Variants in LBR observed in about 807,000 individuals in gnomAD.
The protein encoded by LBR is lamin B receptor, also known as delta(14)-sterol reductase LBR.
In LBR, 28 loss-of-function variants were observed where a neutral mutation model predicts 74.3. That is an observed-to-expected ratio of 0.38 (90% CI 0.28 to 0.52). LBR has a LOEUF of 0.52. Among genes scored for constraint, LBR ranks in the 20% least tolerant of loss-of-function variants. The pLI, the probability that LBR is intolerant of heterozygous loss-of-function variation, is 0.89. For synonymous variants in LBR, 228 were observed against 269.3 expected (o/e 0.85, Z 1.50); for missense variants, 717 against 760.3 (o/e 0.94, Z 0.67).
At chr1:225,423,049 G>A (rs6686405) in intron 2 of LBR, among the ~76,000 whole-genome samples, 95,520 of 152,014 alleles carry the variant, frequency 0.63, 31,195 homozygotes, top group African/African-American at 0.83. Flanking sequence ...TAGAGCACTC[G>A]AAGTGTCATC....
chr1:225,421,652 A>G (rs1157032154), intron 3 of LBR, among the ~76,000 whole-genome samples: 2 of 152,290 alleles, frequency 1.3e-5, no homozygotes, highest in African/African-American at 4.8e-5. Flanking sequence ...TTCAAAGCTT[A>G]CATCTTGAAA....
intron 9 of LBR, among the ~76,000 whole-genome samples, chr1:225,410,857 A>T (rs184610687): frequency 4.6e-5 from 7 of 152,360 alleles, no homozygotes; most frequent in African/African-American, 1.7e-4. Context: ...AAACTGGTGA[A>T]CTCGACTGAG....
At chr1:225,404,577 A>G in intron 12 of LBR, 49 bp downstream of exon 12, 2 of 1,566,538 alleles carry the variant, frequency 1.3e-6, no homozygotes, top group Non-Finnish European at 8.7e-7. Flanking sequence ...AAAAAGAAAA[A>G]TAAAACCTTC....
chr1:225,410,686 AC>A (rs774265041), intron 9 of LBR, among the ~76,000 whole-genome samples: 2 of 152,262 alleles, frequency 1.3e-5, no homozygotes, highest in Non-Finnish European at 2.9e-5. Flanking sequence ...AGGGACACTT[AC>A]AAAATAACCA....
intron 2 of LBR, among the ~76,000 whole-genome samples, chr1:225,423,387 A>T (rs1219107973): frequency 6.6e-6 from 1 of 152,112 alleles, no homozygotes; most frequent in Non-Finnish European, 1.5e-5. Context: ...ATGAAGCCCA[A>T]ACCCTTGGGC....
At chr1:225,414,921 C>G (rs2096114221) in intron 7 of LBR, among the ~76,000 whole-genome samples, 1 of 152,208 alleles carries the variant, frequency 6.6e-6, no homozygotes, top group South Asian at 2.1e-4. Context: ...ATTCAAGGGA[C>G]AACCCAGAGG....
Position 225,424,907 on chromosome 1 carries a change from G to A in LBR, c.-14-818C>T, listed in dbSNP as rs192592246. ...CTTCCAGCTGCCAGACAGTAATGCC[G>A]CTCCATCGGCTGACCAGCGGAATCA... On this transcript the variant is annotated intron_variant, in intron 1 of 13. Coordinates refer to ENST00000272163, the MANE Select transcript of LBR (RefSeq NM_002296.4). Among the ~76,000 whole-genome samples, 53 of 152,246 alleles carry A rather than the reference G, an allele frequency of 3.5e-4. No homozygotes were observed. The East Asian group carries it at 7.3e-3, about 21-fold the overall frequency.
chr1:225,416,211 AAAAGAGAG>A (rs1203460984), intron 6 of LBR, among the ~76,000 whole-genome samples: 14 of 146,124 alleles, frequency 9.6e-5, no homozygotes, highest in Non-Finnish European at 1.8e-4. Flanking sequence ...AAAAAAAAAA[AAAAGAGAG>A]AGAGAGAGAG....
Position 225,419,782 on chromosome 1 carries a change from C to T in LBR, c.383G>A (p.Ser128Asn), listed in dbSNP as rs756072693. 13 of 1,610,060 alleles carry T rather than the reference C, an allele frequency of 8.1e-6. No homozygotes were observed. Among genetic ancestry groups the T allele is most frequent in the Non-Finnish European group, 1.1e-5 (13 of 1,176,754 alleles). The change falls in exon 4 of 14, where the codon AGC becomes AAC. Residue 128 changes from serine (S) to asparagine (N), a missense_variant. Coordinates refer to ENST00000272163, the MANE Select transcript of LBR (RefSeq NM_002296.4). ...TPLILKPFGNSISRYNGEPEH... is the reference protein window; with the variant it reads ...TPLILKPFGNNISRYNGEPEH... Reference sequence around the variant, plus strand: ...AGGCTCCCCATTATATCTGCTGATGCTATTTCCAAATGGCTTCTAAATTGA... The same window carrying T: ...AGGCTCCCCATTATATCTGCTGATGTTATTTCCAAATGGCTTCTAAATTGA...
rs549835662 is a variant in LBR, at chr1:225,406,142, C to G, written c.1483+522G>C. 3.9e-5 allele frequency among the ~76,000 whole-genome samples: 6 copies of G among 152,228 alleles called. No homozygotes were observed. The South Asian group carries it at 1.2e-3, about 32-fold the overall frequency. ...CTTTTCGATCTCCCCATCCCATTTT[C>G]CCCTCTAAAACTCCAATCGAACACC... On this transcript the variant is annotated intron_variant, in intron 11 of 13. Coordinates refer to ENST00000272163, the MANE Select transcript of LBR (RefSeq NM_002296.4).
At chr1:225,428,250 G>C (rs1575235440), upstream of LBR, among the ~76,000 whole-genome samples, 1 of 152,078 alleles carries the variant, frequency 6.6e-6, no homozygotes, top group African/African-American at 2.4e-5. Flanking sequence ...CCCTGCCTGG[G>C]GGCGGGGAGG....
At chr1:225,423,171 C>T (rs979372013) in intron 2 of LBR, among the ~76,000 whole-genome samples, 1 of 152,130 alleles carries the variant, frequency 6.6e-6, no homozygotes, top group Non-Finnish European at 1.5e-5. Flanking sequence ...TCATATCTAT[C>T]GAATCTGATA....
intron 10 of LBR, among the ~76,000 whole-genome samples, chr1:225,409,041 C>T (rs546556416): frequency 2.0e-5 from 3 of 152,294 alleles, no homozygotes; most frequent in Non-Finnish European, 2.9e-5. Flanking sequence ...GCTCTTTTGG[C>T]GATTCATTCT....
chr1:225,420,837 T>A (rs558757948), intron 3 of LBR, among the ~76,000 whole-genome samples: 58 of 152,048 alleles, frequency 3.8e-4, no homozygotes, highest in African/African-American at 1.3e-3. Flanking sequence ...CATACACTGA[T>A]ACTACTATAA....
At chr1:225,419,875 G>A in intron 3 of LBR, 77 bp from the exon 4 acceptor site, 1 of 1,058,076 alleles carries the variant, frequency 9.5e-7, no homozygotes, top group Non-Finnish European at 1.5e-6. Context: ...AAAACTTACT[G>A]TTTTGGAATC....
intron 10 of LBR, 83 bp downstream of exon 10, chr1:225,410,208 G>A: frequency 3.1e-6 from 5 of 1,598,758 alleles, no homozygotes; most frequent in Non-Finnish European, 4.3e-6. Flanking sequence ...CTCACTTTGT[G>A]TGCAAGAAGC....
chr1:225,416,261 ATCTCC>A (rs1376885454), intron 6 of LBR, among the ~76,000 whole-genome samples: 1 of 151,842 alleles, frequency 6.6e-6, no homozygotes, highest in Non-Finnish European at 1.5e-5. Flanking sequence ...CATCAGAACC[ATCTCC>A]TCTCTTCATT....
At chr1:225,422,567 C>A in intron 2 of LBR, 8 of 366,648 alleles carry the variant, frequency 2.2e-5, no homozygotes, top group Non-Finnish European at 4.1e-5. Context: ...ACACCATATG[C>A]AAGAAGGGTA....
chr1:225,403,595 AT>A (rs1558648420), intron 13 of LBR, 132 bp from the exon 14 acceptor site: 2 of 712,148 alleles, frequency 2.8e-6, no homozygotes, highest in Non-Finnish European at 2.4e-6. Flanking sequence ...GATGAGAATA[AT>A]TAAACAAGTC....
Sources: gnomAD v4.1 joint callset for allele counts (sites outside exome capture counted in the v4.1 genomes callset) on GRCh38, gnomAD v4.1.1 for gene constraint, MANE v1.5 for transcripts, NCBI Gene and HGNC (gene_info 2026-07-23, HGNC 2026-07-21) for gene names.